Variants in SRGAP2B observed in about 807,000 individuals in gnomAD.
SRGAP2B encodes the protein SLIT-ROBO Rho GTPase-activating protein 2B.
SRGAP2B carries 9 observed loss-of-function variants against 22.2 expected under a neutral mutation model. The observed-to-expected ratio is 0.41, with a 90% CI of 0.24 to 0.71. SRGAP2B has a LOEUF of 0.71. Among genes scored for constraint, SRGAP2B ranks in the 30% least tolerant of loss-of-function variants. SRGAP2B has a pLI of 0.35. For synonymous variants in SRGAP2B, 36 were observed against 87.4 expected, an observed-to-expected ratio of 0.41 and a Z score of 3.28; for missense variants, 114 against 235.8, an observed-to-expected ratio of 0.48 and a Z score of 3.38.
intron 4 of SRGAP2B, among the ~76,000 whole-genome samples, chr1:144,925,395 G>C (rs1473488096): frequency 1.4e-5 from 2 of 143,118 alleles, no homozygotes; most frequent in Non-Finnish European, 3.0e-5. Context: ...TGTAATCCTA[G>C]CACCTTTTGA....
At chr1:145,005,872 A>AT (rs1671554793) in intron 2 of SRGAP2B, among the ~76,000 whole-genome samples, 1 of 148,562 alleles carries the variant, frequency 6.7e-6, no homozygotes, top group African/African-American at 2.6e-5. Context: ...ACTATGGAGT[A>AT]TTTAAATAAG....
chr1:145,002,541 C>T (rs1487367443), intron 2 of SRGAP2B, among the ~76,000 whole-genome samples: 1 of 128,780 alleles, frequency 7.8e-6, no homozygotes, highest in African/African-American at 3.3e-5. Context: ...CATAGCAAGA[C>T]CTCATCTCAA....
At chr1:145,012,986 G>A (rs1672168759) in intron 2 of SRGAP2B, among the ~76,000 whole-genome samples, 2 of 150,484 alleles carry the variant, frequency 1.3e-5, no homozygotes, top group South Asian at 4.2e-4. Context: ...AGGAAGCCAA[G>A]CCATGAGAAC....
At chr1:144,925,063 C>T (rs587765203) in intron 4 of SRGAP2B, among the ~76,000 whole-genome samples, 9 of 148,508 alleles carry the variant, frequency 6.1e-5, no homozygotes, top group East Asian at 5.9e-4. Context: ...AGTGCAGTGG[C>T]GCCATCTCGG....
chr1:145,044,423 G>A (rs1553628213), intron 2 of SRGAP2B, among the ~76,000 whole-genome samples: 1 of 132,078 alleles, frequency 7.6e-6, no homozygotes, highest in East Asian at 2.3e-4. Context: ...CACTACAGTG[G>A]AGGTTACTAG....
chr1:144,997,592 C>T (rs587728678), intron 2 of SRGAP2B, among the ~76,000 whole-genome samples: 1 of 150,386 alleles, frequency 6.6e-6, no homozygotes, highest in Admixed American at 6.6e-5. Flanking sequence ...AGTAATCTCA[C>T]TCACCAGGGG....
At chr1:145,013,790 A>T (rs1672226042) in intron 2 of SRGAP2B, among the ~76,000 whole-genome samples, 1 of 150,592 alleles carries the variant, frequency 6.6e-6, no homozygotes, top group African/African-American at 2.5e-5. Flanking sequence ...TGTCTTCCCA[A>T]TTATCCCTTT....
chr1:144,902,785 T>C (rs1232061866), intron 7 of SRGAP2B, among the ~76,000 whole-genome samples: 1 of 121,880 alleles, frequency 8.2e-6, no homozygotes, highest in Non-Finnish European at 1.7e-5. Flanking sequence ...AAAAGAAACA[T>C]GAGAAACTTT....
At chr1:145,010,305 GT>G (rs1373484065) in intron 2 of SRGAP2B, among the ~76,000 whole-genome samples, 2 of 102,680 alleles carry the variant, frequency 1.9e-5, no homozygotes, top group African/African-American at 8.5e-5. Flanking sequence ...GAATGTAAAT[GT>G]TAGAAAATTG....
chr1:145,025,881 T>C (rs1553624989), intron 2 of SRGAP2B, among the ~76,000 whole-genome samples: 1 of 151,762 alleles, frequency 6.6e-6, no homozygotes, highest in African/African-American at 2.4e-5. Context: ...TTTTTTAAAA[T>C]CAGCAGAGCA....
At chr1:145,013,074 C>T (rs1239559849) in intron 2 of SRGAP2B, among the ~76,000 whole-genome samples, 1 of 150,836 alleles carries the variant, frequency 6.6e-6, no homozygotes, top group African/African-American at 2.5e-5. Context: ...CAGAGCAACA[C>T]TCTGTCTCCA....
At chr1:144,963,177 T>C (rs1202979398) in intron 3 of SRGAP2B, among the ~76,000 whole-genome samples, 1 of 150,860 alleles carries the variant, frequency 6.6e-6, no homozygotes, top group African/African-American at 2.5e-5. Flanking sequence ...GAGGAATGAA[T>C]AAAGAGGCTG....
In SRGAP2B at chr1:144,954,811, G is replaced by A. The variant is rs879967826; in HGVS notation, c.423+628C>T. 6.1e-4 allele frequency among the ~76,000 whole-genome samples: 92 copies of A among 150,146 alleles called. 2 individuals are homozygous for A. The highest frequency in any genetic ancestry group is 1.9e-3 in the Admixed American group (28 of 15,124). On this transcript the variant is annotated intron_variant, in intron 4 of 9. Coordinates refer to ENST00000612199, the Ensembl canonical transcript of SRGAP2B. ...GGAAGTACGATAACAATTGAGTTCC[G>A]AAAGCATTCAGAGACCCAAAGACAA...
At chr1:144,976,251 G>A in intron 3 of SRGAP2B, among the ~76,000 whole-genome samples, 1 of 146,474 alleles carries the variant, frequency 6.8e-6, no homozygotes, top group Non-Finnish European at 1.5e-5. Context: ...GTGTGTTATG[G>A]ATAATAGGAA....
At chr1:144,912,219 T>TG (rs1415224494) in intron 5 of SRGAP2B, among the ~76,000 whole-genome samples, 12 of 146,876 alleles carry the variant, frequency 8.2e-5, no homozygotes, top group Non-Finnish European at 1.0e-4. Context: ...CCCAAAGTGC[T>TG]GGGATTACAG....
intron 4 of SRGAP2B, among the ~76,000 whole-genome samples, chr1:144,920,872 G>A (rs1215500427): frequency 2.0e-5 from 3 of 150,544 alleles, no homozygotes; most frequent in Non-Finnish European, 2.9e-5. Flanking sequence ...TTAGACAGGA[G>A]CTAAAATAAC....
intron 2 of SRGAP2B, among the ~76,000 whole-genome samples, chr1:145,064,337 G>A (rs1213312523): frequency 1.3e-5 from 2 of 149,086 alleles, no homozygotes; most frequent in Non-Finnish European, 2.9e-5. Flanking sequence ...AAAGAAGATG[G>A]CAGTAAGGTC....
At chr1:144,984,108 G>A (rs1252000117) in intron 3 of SRGAP2B, among the ~76,000 whole-genome samples, 1 of 150,340 alleles carries the variant, frequency 6.7e-6, no homozygotes, top group Admixed American at 6.6e-5. Flanking sequence ...ATCACCTGAG[G>A]TCAGGAGCTC....
chr1:144,957,321 T>C (rs1272936436), intron 3 of SRGAP2B, among the ~76,000 whole-genome samples: 8 of 148,398 alleles, frequency 5.4e-5, no homozygotes, highest in African/African-American at 1.8e-4. Context: ...TAGTAACTAT[T>C]AACAAATAAT....
Sources: allele counts gnomAD v4.1 joint callset (sites outside exome capture counted in the v4.1 genomes callset), GRCh38; gene constraint gnomAD v4.1.1; transcripts MANE v1.5; gene names NCBI Gene and HGNC (gene_info 2026-07-23, HGNC 2026-07-21).